The following PAK2 variants were observed in gnomAD, a reference collection of about 807,000 sequenced individuals.
The protein encoded by PAK2 is p21 (RAC1) activated kinase 2.
In PAK2, 21 loss-of-function variants were observed where a neutral mutation model predicts 65.9. The observed-to-expected ratio is 0.32, with a 90% CI of 0.23 to 0.46. PAK2 has a LOEUF of 0.46. Among genes scored for constraint, PAK2 ranks in the 20% least tolerant of loss-of-function variants. The pLI is 1.00. For missense variants in PAK2, 324 were observed against 642.6 expected (o/e 0.50, Z 5.36); for synonymous variants, 204 against 219.7 (o/e 0.93, Z 0.63).
At chr3:196,792,814 T>G (rs1035920562) in intron 2 of PAK2, among the ~76,000 whole-genome samples, 3 of 150,190 alleles carry the variant, frequency 2.0e-5, no homozygotes, top group Non-Finnish European at 4.4e-5. Context: ...AATATATATA[T>G]ATACACACAC....
At chr3:196,743,140 T>G (rs2108703205) in intron 1 of PAK2, among the ~76,000 whole-genome samples, 1 of 152,292 alleles carries the variant, frequency 6.6e-6, no homozygotes, top group African/African-American at 2.4e-5. Flanking sequence ...AATAAAATAC[T>G]GGTTGTTTTC....
At chr3:196,769,182 C>A (rs1714279381) in intron 1 of PAK2, among the ~76,000 whole-genome samples, 1 of 151,674 alleles carries the variant, frequency 6.6e-6, no homozygotes, top group African/African-American at 2.4e-5. Context: ...CAAAAATTAG[C>A]TGGGCGTGAT....
chr3:196,794,313 C>T (rs1715173911), intron 2 of PAK2, among the ~76,000 whole-genome samples: 1 of 152,174 alleles, frequency 6.6e-6, no homozygotes, highest in Admixed American at 6.5e-5. Flanking sequence ...TGCCCTGCCA[C>T]CACAGAAAAC....
rs1712004826 is a variant in PAK2, at chr3:196,829,753, T to G, written c.*1348T>G. ...TGAGTTACTTTAGTTTAGTTTTGTT[T>G]TGTTTTTTCAAATAAGTAGAGACTA... On this transcript the variant is annotated 3_prime_UTR_variant, in exon 15 of 15. Transcript: ENST00000327134. 6.6e-6 allele frequency: 1 copy of G among 152,206 alleles called. No individual in the cohort carries two copies. Among genetic ancestry groups the G allele is most frequent in the African/African-American group, 2.4e-5 (1 of 41,446 alleles). 9.4% of individuals were successfully genotyped at this position (152,206 alleles called of 1,614,324 possible).
chr3:196,771,297 C>G (rs1003683812), intron 1 of PAK2, among the ~76,000 whole-genome samples: 1 of 151,934 alleles, frequency 6.6e-6, no homozygotes, highest in African/African-American at 2.4e-5. Flanking sequence ...TGAAATTTGT[C>G]TTTTTTTCTC....
At chr3:196,795,398 T>C (rs547612077) in intron 2 of PAK2, among the ~76,000 whole-genome samples, 47 of 152,004 alleles carry the variant, frequency 3.1e-4, no homozygotes, top group African/African-American at 1.1e-3. Flanking sequence ...AGCCCAGAGG[T>C]TGAGGCCGCA....
intron 1 of PAK2, among the ~76,000 whole-genome samples, chr3:196,780,397 A>G (rs1242360057): frequency 1.3e-5 from 2 of 152,222 alleles, no homozygotes; most frequent in Admixed American, 1.3e-4. Flanking sequence ...GAAGGCGAGG[A>G]GGAGCAAGTC....
Position 196,829,256 on chromosome 3 carries a change from C to A in PAK2, c.*851C>A, listed in dbSNP as rs1711986351. The A allele has an allele frequency of 2.0e-5, 3 of 152,598 alleles. No homozygotes were observed. The highest frequency in any genetic ancestry group is 4.4e-5 in the Non-Finnish European group (3 of 68,034). 9.5% of individuals were successfully genotyped at this position (152,598 alleles called of 1,614,324 possible). A position where few individuals can be genotyped will look rare whatever the true frequency, so the allele number is the denominator to read the frequency against. On this transcript the variant is annotated 3_prime_UTR_variant, in exon 15 of 15. Transcript: ENST00000327134. ...GGAACCAAAGTGATTTGTTGTTGTT[C>A]CAACCTGGGCTTTGTGACTTTGGTT...
chr3:196,827,385 C>G (rs374669025), intron 14 of PAK2, 52 bp downstream of exon 14: 7 of 1,569,804 alleles, frequency 4.5e-6, no homozygotes, highest in Non-Finnish European at 6.0e-6. Context: ...TTTTGGTAAC[C>G]GACAGAAAGC....
rs1282739432 is a variant in PAK2 at position 196,812,739 on chromosome 3, G to T, written c.823G>T (p.Val275Phe). The change falls in exon 10 of 15, where the codon GTT becomes TTT. Residue 275 changes from valine (V) to phenylalanine (F), a missense_variant and splice_region_variant. By Grantham distance (50) the Val-to-Phe change is conservative (BLOSUM62 -1). Around this residue, in one of 5 missense-constraint regions of PAK2, gnomAD observed 183 missense variants for 246.2 expected, o/e 0.74. Coordinates refer to ENST00000327134, the MANE Select transcript of PAK2 (RefSeq NM_002577.4). The part of the protein sequence containing the change: ...TATDVALGQE[V>F]AIKQINLQKQ... The stretch of plus-strand genomic sequence containing the variant: ...TTTTTCAATCCTGTTTTCATTATAG[G>T]TTGCTATCAAACAAATTAATTTACA... 2.3e-6 allele frequency: 3 copies of T among 1,322,970 alleles called. No homozygotes were observed. The highest frequency in any genetic ancestry group is 3.3e-6 in the Non-Finnish European group (3 of 921,202). 82.0% of individuals were successfully genotyped at this position (1,322,970 alleles called of 1,614,324 possible).
intron 2 of PAK2, among the ~76,000 whole-genome samples, chr3:196,789,230 T>G (rs1278031892): frequency 6.6e-6 from 1 of 152,212 alleles, no homozygotes; most frequent in Non-Finnish European, 1.5e-5. Context: ...ATAAGCTTTA[T>G]TCATACAGCT....
chr3:196,752,832 TC>T (rs1713649559), intron 1 of PAK2, among the ~76,000 whole-genome samples: 1 of 151,790 alleles, frequency 6.6e-6, no homozygotes, highest in Non-Finnish European at 1.5e-5. Flanking sequence ...CCTCAAGTGA[TC>T]CGTCTGCCTT....
chr3:196,744,530 C>G (rs980592293), intron 1 of PAK2, among the ~76,000 whole-genome samples: 1 of 152,044 alleles, frequency 6.6e-6, no homozygotes, highest in Non-Finnish European at 1.5e-5. Flanking sequence ...AGAGCAAGAC[C>G]CTGTCTTATA....
chr3:196,820,265 C>A lies in PAK2; in HGVS notation c.1154-106C>A. The A allele has an allele frequency of 2.0e-6, 1 of 509,056 alleles. No individual in the cohort carries two copies. The highest frequency in any genetic ancestry group is 2.0e-5 in the African/African-American group (1 of 50,860). The allele number at this position is 509,056 out of a possible 1,614,324, so 31.5% of individuals were successfully genotyped here. On this transcript the variant is annotated intron_variant, in intron 12 of 14. Transcript: ENST00000327134. This position sits in a 1 kb window ranked among gnomAD's most constrained non-coding sequence, Gnocchi z 4.6. Reference sequence around the variant, plus strand: ...ACTTTATTAATGAAATCTTTAAAAACAAGAGGCCTAATAGTCAAAATATAA... The same window carrying A: ...ACTTTATTAATGAAATCTTTAAAAAAAAGAGGCCTAATAGTCAAAATATAA...
At chr3:196,827,411 A>T in intron 14 of PAK2, 78 bp downstream of exon 14, 1 of 1,543,980 alleles carries the variant, frequency 6.5e-7, no homozygotes, top group East Asian at 2.3e-5. Flanking sequence ...TAGGGCTAAT[A>T]AGTAGATTTC....
intron 2 of PAK2, among the ~76,000 whole-genome samples, chr3:196,792,254 G>A (rs1185691648): frequency 6.6e-6 from 1 of 152,170 alleles, no homozygotes; most frequent in Non-Finnish European, 1.5e-5. Context: ...ACATTAAATT[G>A]TAAACTACTA....
chr3:196,810,715 A>T lies in PAK2; in HGVS notation c.773+62A>T. The T allele has an allele frequency of 1.3e-5, 11 of 873,542 alleles. No homozygotes were observed. In the South Asian group the frequency reaches 1.5e-4, roughly 12 times the overall value. 54.1% of individuals were successfully genotyped at this position (873,542 alleles called of 1,614,324 possible). A position where few individuals can be genotyped will look rare whatever the true frequency, so the allele number is the denominator to read the frequency against. ...ATTCAGTATTTCCTGGCTTTATAGC[A>T]TGATGTTTATTTTGCCTGCCGACAT... On this transcript the variant is annotated intron_variant, in intron 8 of 14. Coordinates refer to ENST00000327134, the MANE Select transcript of PAK2 (RefSeq NM_002577.4).
chr3:196,772,770 G>A (rs370150369), intron 1 of PAK2, among the ~76,000 whole-genome samples: 16 of 152,274 alleles, frequency 1.1e-4, no homozygotes, highest in Middle Eastern at 3.4e-3. Context: ...CGGGGCAGGT[G>A]GGGAGGGAAG....
intron 3 of PAK2, 33 bp from the exon 4 acceptor site, chr3:196,802,984 A>G: frequency 6.8e-7 from 1 of 1,465,668 alleles, no homozygotes; most frequent in Non-Finnish European, 9.2e-7. Context: ...ATCAATTTAA[A>G]CCATAACTAA....
Sources: allele counts gnomAD v4.1 joint callset (sites outside exome capture counted in the v4.1 genomes callset), GRCh38; gene constraint gnomAD v4.1.1; regional missense constraint gnomAD v4.1.1; non-coding constraint Gnocchi (gnomAD v3.1); transcripts MANE v1.5; gene names NCBI Gene and HGNC (gene_info 2026-07-23, HGNC 2026-07-21).